Variants in ZNF106 observed in about 807,000 individuals in gnomAD.
ZNF106 encodes the protein SH3-domain binding protein 3.
A neutral mutation model predicts 195.1 loss-of-function variants in ZNF106; 67 were observed. The observed-to-expected ratio is 0.34, with a 90% CI of 0.28 to 0.42. The LOEUF is 0.42. Ranked by LOEUF, ZNF106 falls within the 10% of genes least tolerant of loss-of-function variation. The probability of loss-of-function intolerance (pLI) is 1.00; values close to 1 mark genes in which losing one functional copy is unlikely to be tolerated. For synonymous variants in ZNF106, 784 were observed against 818.6 expected, an observed-to-expected ratio of 0.96 and a Z score of 0.72; for missense variants, 2,118 against 2,304.5, an observed-to-expected ratio of 0.92 and a Z score of 1.66.
chr15:42,478,213 G>A (rs892773572), intron 1 of ZNF106, among the ~76,000 whole-genome samples: 36 of 152,190 alleles, frequency 2.4e-4, no homozygotes, highest in African/African-American at 8.2e-4. Context: ...GTCCAGGCTG[G>A]AATGCAATGG....
At chr15:42,470,594 T>A (rs571672876) in intron 2 of ZNF106, among the ~76,000 whole-genome samples, 1 of 152,314 alleles carries the variant, frequency 6.6e-6, no homozygotes, top group East Asian at 1.9e-4. Context: ...TTCATTTAAC[T>A]TCATTATGAT....
intron 18 of ZNF106, among the ~76,000 whole-genome samples, chr15:42,422,274 T>C (rs2054692538): frequency 6.6e-6 from 1 of 151,698 alleles, no homozygotes; most frequent in African/African-American, 2.4e-5. Flanking sequence ...GAGACTGGAG[T>C]TGCTCTCCAG....
intron 1 of ZNF106, among the ~76,000 whole-genome samples, chr15:42,485,616 G>A (rs568569853): frequency 3.9e-5 from 6 of 152,174 alleles, no homozygotes; most frequent in African/African-American, 1.2e-4. Context: ...ATGGAATGGC[G>A]TCCTGTCCAG....
In ZNF106 at chr15:42,437,902, CAAAA is replaced by C. The variant is rs35756160; in HGVS notation, c.4601-529_4601-526del. ...AGCCTGGGCGACAACGACTCCGTCT[CAAAA>C]AAAAAAAAAAAAAGAAAAAGAGCTT... On this transcript the variant is annotated intron_variant, in intron 12 of 21. Transcript: ENST00000564754. 4.9e-5 allele frequency among the ~76,000 whole-genome samples: 4 copies of C among 81,056 alleles called. No individual in the cohort carries two copies. The East Asian group carries it at 1.3e-3, about 26-fold the overall frequency. The allele number at this position is 81,056 out of a possible 152,430, so 53.2% of individuals were successfully genotyped here.
intron 9 of ZNF106, among the ~76,000 whole-genome samples, 159 bp from the exon 10 acceptor site, chr15:42,442,573 C>T (rs1162009272): frequency 6.6e-6 from 1 of 150,892 alleles, no homozygotes; most frequent in African/African-American, 2.4e-5. Flanking sequence ...AATATAATCT[C>T]TACAACCACC....
intron 4 of ZNF106, among the ~76,000 whole-genome samples, chr15:42,455,310 T>C (rs2056190519): frequency 6.6e-6 from 1 of 152,214 alleles, no homozygotes; most frequent in Non-Finnish European, 1.5e-5. Context: ...AGTCTAAACA[T>C]AAAATTCATT....
At chr15:42,426,624 G>A (rs185076026) in intron 15 of ZNF106, among the ~76,000 whole-genome samples, 3 of 142,522 alleles carry the variant, frequency 2.1e-5, no homozygotes, top group East Asian at 2.0e-4. Flanking sequence ...GGCTGGTCTC[G>A]AACTTCTGGG....
Position 42,415,373 on chromosome 15 carries a change from C to A in ZNF106, c.*1931G>T, listed in dbSNP as rs1278075007. On this transcript the variant is annotated 3_prime_UTR_variant, in exon 22 of 22. Coordinates refer to ENST00000564754, the MANE Select transcript of ZNF106 (RefSeq NM_001366845.3). ...CTGACCTTGAGTGATCCACCCGCCT[C>A]GGCCTCCCAAAGAGCTGGGATTACA... The A allele has an allele frequency of 2.0e-5, 9 of 450,846 alleles. No individual in the cohort carries two copies. The highest frequency in any genetic ancestry group is 3.6e-5 in the Non-Finnish European group (8 of 224,578). 27.9% of individuals were successfully genotyped at this position (450,846 alleles called of 1,614,324 possible).
chr15:42,445,102 A>C, intron 7 of ZNF106, 121 bp from the exon 8 acceptor site: 1 of 1,179,496 alleles, frequency 8.5e-7, no homozygotes, highest in Non-Finnish European at 1.2e-6. Flanking sequence ...TCAGTAGGTC[A>C]TTGGAAATTC....
intron 6 of ZNF106, among the ~76,000 whole-genome samples, chr15:42,447,811 A>G (rs1305610993): frequency 6.6e-6 from 1 of 152,208 alleles, no homozygotes; most frequent in Non-Finnish European, 1.5e-5. Flanking sequence ...AGGTGATACA[A>G]AGAATCATTG....
chr15:42,434,437 C>T (rs1301080865), intron 14 of ZNF106, among the ~76,000 whole-genome samples: 2 of 152,160 alleles, frequency 1.3e-5, no homozygotes, highest in African/African-American at 4.8e-5. Flanking sequence ...TGAGCCAGTG[C>T]CTCTAGGGAT....
intron 21 of ZNF106, 43 bp from the exon 22 acceptor site, chr15:42,417,403 G>A (rs755108080): frequency 9.3e-6 from 15 of 1,610,102 alleles, no homozygotes; most frequent in Non-Finnish European, 1.2e-5. Context: ...GAAGTCGATA[G>A]TAAGACAGGA....
At chr15:42,457,502 C>A in intron 3 of ZNF106, 6 of 1,159,208 alleles carry the variant, frequency 5.2e-6, no homozygotes, top group Non-Finnish European at 5.3e-6. Context: ...AGAAGTTGCT[C>A]TGGAGCACAC....
Position 42,449,983 on chromosome 15 carries a change from G to A in ZNF106, c.2289C>T (p.Ser763=). Residue 763 remains serine, a synonymous_variant, in exon 5 of 22, where the codon AGC becomes AGT. Transcript: ENST00000564754. ...GCTCAGGAAGGTGTACTCCAGTTTTGCTCTTCAAACTAATGTGCCGGGTTA... is the reference window on the plus strand; with the variant it reads ...GCTCAGGAAGGTGTACTCCAGTTTTACTCTTCAAACTAATGTGCCGGGTTA... ...RDLTRHISLK[S]KTGVHLPEPN... 1 of 1,614,174 alleles carries A rather than the reference G, an allele frequency of 6.2e-7. No homozygotes were observed.
At chr15:42,446,914 G>A (rs938919920) in intron 6 of ZNF106, among the ~76,000 whole-genome samples, 3 of 152,176 alleles carry the variant, frequency 2.0e-5, no homozygotes, top group Non-Finnish European at 4.4e-5. Context: ...GGAGGTCAGG[G>A]AAAGCATTTC....
At chr15:42,485,938 T>A (rs2057002929) in intron 1 of ZNF106, among the ~76,000 whole-genome samples, 1 of 151,682 alleles carries the variant, frequency 6.6e-6, no homozygotes, top group South Asian at 2.1e-4. Flanking sequence ...ATTAGGCAAA[T>A]ATCCTGTTTT....
rs945517808 is a variant in ZNF106 at position 42,413,620 on chromosome 15, C to T, written c.*3684G>A. The T allele has an allele frequency of 6.6e-6, 1 of 152,596 alleles. No homozygotes were observed. The highest frequency in any genetic ancestry group is 2.4e-5 in the African/African-American group (1 of 41,422). The allele number at this position is 152,596 out of a possible 1,614,324, so 9.5% of individuals were successfully genotyped here. ...CACATGCCTCATCACTAAAGTTGTC[C>T]CTTGTATAATCTACCAGCAAAAAGA... On this transcript the variant is annotated 3_prime_UTR_variant, in exon 22 of 22. Coordinates refer to ENST00000564754, the MANE Select transcript of ZNF106 (RefSeq NM_001366845.3).
Position 42,422,551 on chromosome 15 carries a change from C to T in ZNF106, c.5323G>A (p.Val1775Met). The T allele has an allele frequency of 6.2e-7, 1 of 1,613,758 alleles. No individual in the cohort carries two copies. Among genetic ancestry groups the T allele is most frequent in the Non-Finnish European group, 8.5e-7 (1 of 1,179,962 alleles). The change falls in exon 18 of 22, where the codon GTG (valine) becomes ATG (methionine). Residue 1775 changes from valine (V) to methionine (M), a missense_variant. Physicochemically the swap from Val to Met is conservative, Grantham distance 21. Transcript: ENST00000564754. ...AVTVVNILGK[V>M]MVTACLDKFV... ...TTATCCAGGCAAGCAGTCACCATCA[C>T]TTTTCCTAGGATATTCACCACAGTC...
intron 7 of ZNF106, among the ~76,000 whole-genome samples, chr15:42,445,374 G>C (rs577587457): frequency 5.9e-5 from 9 of 152,274 alleles, no homozygotes; most frequent in Admixed American, 5.9e-4. Flanking sequence ...TAGACTGCTT[G>C]CACTCTCTTT....
Sources: allele counts gnomAD v4.1 joint callset (sites outside exome capture counted in the v4.1 genomes callset), GRCh38; gene constraint gnomAD v4.1.1; transcripts MANE v1.5; gene names NCBI Gene and HGNC (gene_info 2026-07-23, HGNC 2026-07-21).